The following ARHGAP26 variants were observed in gnomAD, a reference collection of about 807,000 sequenced individuals.
The protein encoded by ARHGAP26 is rho GTPase-activating protein 26.
ARHGAP26 carries 38 observed loss-of-function variants against 104.8 expected under a neutral mutation model. The ratio of observed to expected loss-of-function variants is 0.36; its 90% CI spans 0.28 to 0.48. The LOEUF is 0.48. ARHGAP26 is among the 20% of genes least tolerant of loss of function. The probability of loss-of-function intolerance (pLI) is 0.99; values close to 1 mark genes in which losing one functional copy is unlikely to be tolerated. For missense variants in ARHGAP26, 704 were observed against 947.9 expected, an observed-to-expected ratio of 0.74 and a Z score of 3.38; for synonymous variants, 341 against 340.0, an observed-to-expected ratio of 1.00 and a Z score of -0.03.
rs970886616 is a variant in ARHGAP26, at chr5:143,216,527, A to C, written c.2191+2439A>C. On this transcript the variant is annotated intron_variant, in intron 22 of 22. Transcript: ENST00000645722. ...TCGGCAAACTATGACCTGCCCGTCA[A>C]ATCCAACCTGCCACCTGTCACCTAA... 11 of 322,190 alleles carry C rather than the reference A, an allele frequency of 3.4e-5. 1 individual carries two copies. The highest frequency in any genetic ancestry group is 2.6e-4 in the South Asian group (10 of 39,126). The allele number at this position is 322,190 out of a possible 1,614,324, so 20.0% of individuals were successfully genotyped here.
intron 17 of ARHGAP26, among the ~76,000 whole-genome samples, chr5:143,114,915 GGGCA>G (rs377648714): frequency 2.8e-4 from 42 of 152,316 alleles, no homozygotes; most frequent in African/African-American, 9.9e-4. Context: ...AGAACTTGCT[GGGCA>G]GGCTAGGGGC....
chr5:143,084,897 T>C (rs1033673815), intron 17 of ARHGAP26, among the ~76,000 whole-genome samples: 4 of 151,704 alleles, frequency 2.6e-5, no homozygotes, highest in Non-Finnish European at 4.4e-5. Context: ...ATACAAAAAT[T>C]AGCTGGGCGT....
At chr5:143,070,185 A>G (rs1188646423) in intron 17 of ARHGAP26, among the ~76,000 whole-genome samples, 4 of 152,184 alleles carry the variant, frequency 2.6e-5, no homozygotes, top group Admixed American at 2.6e-4. Flanking sequence ...ATTAAAAGAT[A>G]ATCTTGCCAT....
intron 9 of ARHGAP26, among the ~76,000 whole-genome samples, chr5:142,911,800 G>A (rs369843): frequency 2.1e-4 from 32 of 152,224 alleles, no homozygotes; most frequent in Non-Finnish European, 3.8e-4. Context: ...CATCAGCAAA[G>A]TCAGAATCTC....
intron 11 of ARHGAP26, among the ~76,000 whole-genome samples, chr5:142,933,119 G>A (rs1040240927): frequency 2.0e-5 from 3 of 152,118 alleles, no homozygotes; most frequent in African/African-American, 2.4e-5. Context: ...CTCTGTATAC[G>A]TTGTTACCCA....
At chr5:143,060,128 C>A (rs1786489729) in intron 17 of ARHGAP26, among the ~76,000 whole-genome samples, 1 of 152,126 alleles carries the variant, frequency 6.6e-6, no homozygotes, top group African/African-American at 2.4e-5. Context: ...TGTCTGATTC[C>A]AGTTTTCTCA....
intron 11 of ARHGAP26, among the ~76,000 whole-genome samples, chr5:142,999,765 GA>G (rs893079907): frequency 1.2e-3 from 185 of 151,840 alleles, no homozygotes; most frequent in African/African-American, 3.6e-3. Context: ...ACAAAAACAT[GA>G]AAAAAAATTG....
intron 1 of ARHGAP26, among the ~76,000 whole-genome samples, chr5:142,772,528 G>A (rs896722175): frequency 2.0e-5 from 3 of 152,210 alleles, no homozygotes; most frequent in African/African-American, 7.2e-5. Flanking sequence ...CACTAAGGGT[G>A]TAGGAGTGAA....
intron 11 of ARHGAP26, among the ~76,000 whole-genome samples, chr5:142,963,293 T>C (rs984141537): frequency 1.9e-4 from 29 of 150,970 alleles, no homozygotes; most frequent in Non-Finnish European, 3.1e-4. Flanking sequence ...GTGACTTTGC[T>C]ATTGATAATA....
At chr5:142,998,928 T>G (rs1776813492) in intron 11 of ARHGAP26, among the ~76,000 whole-genome samples, 1 of 152,196 alleles carries the variant, frequency 6.6e-6, no homozygotes. Flanking sequence ...CCTAGTCAAC[T>G]GTCAGCAGAT....
At chr5:143,012,767 C>T (rs1320390619) in intron 11 of ARHGAP26, among the ~76,000 whole-genome samples, 1 of 149,942 alleles carries the variant, frequency 6.7e-6, no homozygotes, top group Non-Finnish European at 1.5e-5. Context: ...CATTCTCCTG[C>T]CTCAGCCTCC....
intron 17 of ARHGAP26, among the ~76,000 whole-genome samples, chr5:143,078,606 G>A (rs1789379477): frequency 1.3e-5 from 2 of 152,166 alleles, no homozygotes; most frequent in Admixed American, 6.5e-5. Flanking sequence ...AACTTTTCAG[G>A]AATGTGTCTT....
chr5:142,930,254 G>GACCC (rs1339789826), intron 10 of ARHGAP26, among the ~76,000 whole-genome samples: 1 of 152,178 alleles, frequency 6.6e-6, no homozygotes, highest in Admixed American at 6.5e-5. Context: ...GTGGAAGGGT[G>GACCC]GAATCAGTTC....
At chr5:143,011,582 C>T (rs1222739712) in intron 11 of ARHGAP26, among the ~76,000 whole-genome samples, 1 of 152,144 alleles carries the variant, frequency 6.6e-6, no homozygotes, top group Non-Finnish European at 1.5e-5. Flanking sequence ...TTCAAAGCCG[C>T]TATGCCCTTC....
intron 20 of ARHGAP26, among the ~76,000 whole-genome samples, chr5:143,194,363 C>G (rs936377192): frequency 1.3e-5 from 2 of 152,128 alleles, no homozygotes; most frequent in African/African-American, 2.4e-5. Context: ...TTATAATAGT[C>G]TAGGTGAGAA....
chr5:142,770,696 G>A lies in ARHGAP26; in HGVS notation c.-66G>A, dbSNP rs1277969983. The A allele has an allele frequency of 9.3e-7, 1 of 1,075,922 alleles. No individual in the cohort carries two copies. Among genetic ancestry groups the A allele is most frequent in the Admixed American group, 5.5e-5 (1 of 18,194 alleles). The allele number at this position is 1,075,922 out of a possible 1,614,324, so 66.6% of individuals were successfully genotyped here. On this transcript the variant is annotated 5_prime_UTR_variant, in exon 1 of 23. Coordinates refer to ENST00000645722, the MANE Select transcript of ARHGAP26 (RefSeq NM_001135608.3). ...CCGGCCGGGGTCCCGCCGCGTGAGT[G>A]CTCTGGGCGGCGGGCGGCCCGGGCC...
At chr5:143,104,287 A>G (rs1158738324) in intron 17 of ARHGAP26, among the ~76,000 whole-genome samples, 1 of 152,190 alleles carries the variant, frequency 6.6e-6, no homozygotes, top group Admixed American at 6.5e-5. Context: ...AAGCAGGTGG[A>G]TCATTTGAGG....
chr5:142,916,142 A>G (rs959531020), intron 10 of ARHGAP26, among the ~76,000 whole-genome samples: 1 of 152,236 alleles, frequency 6.6e-6, no homozygotes, highest in African/African-American at 2.4e-5. Context: ...TTAACTGGAG[A>G]ATACACAAAC....
intron 1 of ARHGAP26, among the ~76,000 whole-genome samples, chr5:142,831,239 A>G (rs187035276): frequency 2.6e-5 from 4 of 152,052 alleles, no homozygotes; most frequent in Admixed American, 1.3e-4. Context: ...CAGTCATTTG[A>G]TATCTCTCTG....
Sources: allele counts gnomAD v4.1 joint callset (sites outside exome capture counted in the v4.1 genomes callset), GRCh38; gene constraint gnomAD v4.1.1; transcripts MANE v1.5; gene names NCBI Gene and HGNC (gene_info 2026-07-23, HGNC 2026-07-21).